Variants in ZRANB3 observed in about 807,000 individuals in gnomAD.
ZRANB3 encodes zinc finger RANBP2-type containing 3.
In ZRANB3, 125 loss-of-function variants were observed where a neutral mutation model predicts 133.8. The ratio of observed to expected loss-of-function variants is 0.93; its 90% CI spans 0.81 to 1.08. The LOEUF (loss-of-function observed/expected upper bound fraction) is 1.08. ZRANB3 is among the 50% of genes least tolerant of loss of function. The probability of loss-of-function intolerance (pLI) is 0.00; values close to 1 mark genes in which losing one functional copy is unlikely to be tolerated. For missense variants in ZRANB3, 1,229 were observed against 1,275.5 expected, an observed-to-expected ratio of 0.96 and a Z score of 0.56; for synonymous variants, 387 against 432.7, an observed-to-expected ratio of 0.89 and a Z score of 1.31.
At chr2:135,390,633 C>A (rs1687182685) in intron 3 of ZRANB3, among the ~76,000 whole-genome samples, 169 bp downstream of exon 3, 1 of 151,884 alleles carries the variant, frequency 6.6e-6, no homozygotes, top group African/African-American at 2.4e-5. Flanking sequence ...CACATTCATT[C>A]ATTCTCATTC....
chr2:135,530,235 T>C (rs929575997), intron 1 of ZRANB3, among the ~76,000 whole-genome samples: 7 of 150,120 alleles, frequency 4.7e-5, no homozygotes, highest in South Asian at 2.1e-4. Context: ...AGTGTGTCTG[T>C]AAATGTAGTT....
chr2:135,227,994 T>A lies in ZRANB3; in HGVS notation c.1976A>T (p.Asn659Ile). The A allele has an allele frequency of 1.3e-6, 2 of 1,548,918 alleles. No individual in the cohort carries two copies. Among genetic ancestry groups the A allele is most frequent in the African/African-American group, 2.7e-5 (2 of 73,050 alleles). Residue 659 changes from asparagine (N) to isoleucine (I), a missense_variant, in exon 14 of 21, where the codon AAC becomes ATC. Transcript: ENST00000264159. ...GSAVMQIDSLNHIQDKNEKDD... is the reference protein window; with the variant it reads ...GSAVMQIDSLIHIQDKNEKDD... ...CTTCTCGTTTTTATCCTGGATATGG[T>A]TGAGGCTATCTATTTGCATAACTAT...
intron 4 of ZRANB3, among the ~76,000 whole-genome samples, chr2:135,353,088 T>A (rs745550908): frequency 6.6e-6 from 1 of 152,170 alleles, no homozygotes; most frequent in Non-Finnish European, 1.5e-5. Flanking sequence ...AAGTTGCTGA[T>A]AATAAACGAT....
chr2:135,315,240 T>C, intron 7 of ZRANB3, 119 bp downstream of exon 7: 2 of 1,021,524 alleles, frequency 2.0e-6, no homozygotes, highest in Non-Finnish European at 2.6e-6. Context: ...GCTCTATTAA[T>C]TAAACCTATT....
At chr2:135,441,075 T>C (rs73956718) in intron 2 of ZRANB3, among the ~76,000 whole-genome samples, 15,857 of 150,764 alleles carry the variant, frequency 0.11, 1,092 homozygotes, top group South Asian at 0.32. Flanking sequence ...AAAATCAGGG[T>C]CCGAAACTTC....
chr2:135,408,873 T>A (rs888250102), intron 2 of ZRANB3, among the ~76,000 whole-genome samples: 5 of 151,988 alleles, frequency 3.3e-5, no homozygotes, highest in Admixed American at 2.0e-4. Flanking sequence ...ATATCTAATG[T>A]TAAATGACAA....
Position 135,202,833 on chromosome 2 carries a change from T to A in ZRANB3, c.3140A>T (p.Glu1047Val). Residue 1047 changes from glutamate (E) to valine (V), a missense_variant and splice_region_variant, in exon 20 of 21, where the codon GAG (glutamate) becomes GTG (valine). By Grantham distance (121) the Glu-to-Val change is moderately radical. Transcript: ENST00000264159. ...AAGCTATATGAGAGCTTCACTGACC[T>A]CTTTGTGACAGACTGTGCAGAGAGT... ...LQTLCTVCHK[E>V]RTARQAKERS... 6.2e-7 allele frequency: 1 copy of A among 1,606,506 alleles called. No homozygotes were observed. The highest frequency in any genetic ancestry group is 8.5e-7 in the Non-Finnish European group (1 of 1,176,330).
At chr2:135,416,335 T>C (rs1688573917) in intron 2 of ZRANB3, among the ~76,000 whole-genome samples, 1 of 152,088 alleles carries the variant, frequency 6.6e-6, no homozygotes, top group Admixed American at 6.6e-5. Context: ...CAGAGCCAAA[T>C]CATGAGTGAA....
intron 2 of ZRANB3, among the ~76,000 whole-genome samples, chr2:135,465,639 A>C (rs180956455): frequency 6.6e-6 from 1 of 152,358 alleles, no homozygotes; most frequent in East Asian, 1.9e-4. Flanking sequence ...CACCAAAAGC[A>C]ATGGCAACAG....
intron 19 of ZRANB3, among the ~76,000 whole-genome samples, chr2:135,204,718 AT>A (rs966502520): frequency 1.4e-5 from 2 of 145,916 alleles, no homozygotes; most frequent in African/African-American, 5.0e-5. Context: ...TATATGTTTT[AT>A]TATATATTAT....
intron 3 of ZRANB3, among the ~76,000 whole-genome samples, chr2:135,386,928 C>T (rs1687009776): frequency 6.7e-6 from 1 of 149,886 alleles, no homozygotes; most frequent in South Asian, 2.1e-4. Flanking sequence ...CAACATGGCA[C>T]ATGTATACCT....
intron 2 of ZRANB3, among the ~76,000 whole-genome samples, chr2:135,445,485 T>C (rs1303554901): frequency 6.6e-6 from 1 of 151,966 alleles, no homozygotes; most frequent in Non-Finnish European, 1.5e-5. Flanking sequence ...GCTTTTATGG[T>C]AATAAGAACG....
intron 19 of ZRANB3, among the ~76,000 whole-genome samples, chr2:135,205,264 C>T (rs1360085528): frequency 6.6e-6 from 1 of 152,114 alleles, no homozygotes; most frequent in Non-Finnish European, 1.5e-5. Flanking sequence ...AAATTAAGCA[C>T]ATTACAAAAT....
At chr2:135,221,704 A>G (rs1694560732) in intron 15 of ZRANB3, among the ~76,000 whole-genome samples, 1 of 152,226 alleles carries the variant, frequency 6.6e-6, no homozygotes, top group Non-Finnish European at 1.5e-5. Flanking sequence ...AACATGGGGC[A>G]TGAGGGTGGC....
intron 12 of ZRANB3, among the ~76,000 whole-genome samples, chr2:135,256,333 G>A (rs1039892744): frequency 6.6e-6 from 1 of 151,226 alleles, no homozygotes; most frequent in Non-Finnish European, 1.5e-5. Flanking sequence ...TCTTTTTTTT[G>A]TTTGTTTGTT....
intron 5 of ZRANB3, 75 bp downstream of exon 5, chr2:135,349,909 A>G: frequency 6.7e-6 from 9 of 1,336,012 alleles, no homozygotes; most frequent in South Asian, 6.5e-5. Context: ...AAAAATTGCA[A>G]AACAGGTGGT....
intron 1 of ZRANB3, among the ~76,000 whole-genome samples, chr2:135,524,328 C>T (rs1364651016): frequency 2.6e-5 from 4 of 152,080 alleles, no homozygotes; most frequent in South Asian, 2.1e-4. Flanking sequence ...GTGATCCACC[C>T]GCCTCGGCCT....
chr2:135,464,821 G>A (rs1024697129), intron 2 of ZRANB3, among the ~76,000 whole-genome samples: 1 of 152,218 alleles, frequency 6.6e-6, no homozygotes, highest in East Asian at 1.9e-4. Flanking sequence ...TATTTTAATA[G>A]CTAACAAGAG....
In ZRANB3 at chr2:135,275,771, T is replaced by C. The variant is rs1203806243; in HGVS notation, c.967-16A>G. The C allele has an allele frequency of 2.0e-6, 3 of 1,519,644 alleles. No homozygotes were observed. The African/African-American group carries it at 4.2e-5, about 21-fold the overall frequency. The allele number at this position is 1,519,644 out of a possible 1,614,324, so 94.1% of individuals were successfully genotyped here. A position where few individuals can be genotyped will look rare whatever the true frequency, so the allele number is the denominator to read the frequency against. The stretch of plus-strand genomic sequence containing the variant: ...CAGCACCTGCCTAAATATTAAAAGG[T>C]AAACCTTATTAGTGTCATAAAAATG... On this transcript the variant is annotated splice_polypyrimidine_tract_variant and intron_variant, in intron 8 of 20. Coordinates refer to ENST00000264159, the MANE Select transcript of ZRANB3 (RefSeq NM_032143.4).
Sources: gnomAD v4.1 joint callset for allele counts (sites outside exome capture counted in the v4.1 genomes callset) on GRCh38, gnomAD v4.1.1 for gene constraint, MANE v1.5 for transcripts, NCBI Gene and HGNC (gene_info 2026-07-23, HGNC 2026-07-21) for gene names.